The following MSI2 variants were observed in gnomAD, a reference collection of about 807,000 sequenced individuals.
MSI2 encodes the protein RNA-binding protein Musashi homolog 2.
In MSI2, 17 loss-of-function variants were observed where a neutral mutation model predicts 45.6. The ratio of observed to expected loss-of-function variants is 0.37; its 90% confidence interval spans 0.26 to 0.56. The LOEUF is 0.56. Among genes scored for constraint, MSI2 ranks in the 20% least tolerant of loss-of-function variants. The probability of loss-of-function intolerance (pLI) is 0.77; values close to 1 mark genes in which losing one functional copy is unlikely to be tolerated. For missense variants in MSI2, 293 were observed against 444.2 expected (o/e 0.66, Z 3.06); for synonymous variants, 156 against 158.2 (o/e 0.99, Z 0.11).
chr17:57,588,695 C>G (rs574079564), intron 7 of MSI2, among the ~76,000 whole-genome samples: 1 of 152,234 alleles, frequency 6.6e-6, no homozygotes, highest in Admixed American at 6.5e-5. Flanking sequence ...TCCCCACTCT[C>G]TCCTTGCCCT....
intron 6 of MSI2, among the ~76,000 whole-genome samples, chr17:57,523,802 C>CT (rs755506839): frequency 9.2e-5 from 14 of 152,162 alleles, no homozygotes; most frequent in Non-Finnish European, 1.6e-4. Flanking sequence ...TATTCTGCCC[C>CT]TTTTCTTTCC....
At chr17:57,302,235 G>A (rs778816964) in intron 5 of MSI2, among the ~76,000 whole-genome samples, 9 of 152,040 alleles carry the variant, frequency 5.9e-5, no homozygotes, top group Non-Finnish European at 1.3e-4. Flanking sequence ...ATTTTTCTTT[G>A]TGTTGAGGAC....
chr17:57,695,017 A>G, the MSI2 span, among the ~76,000 whole-genome samples: 1 of 152,178 alleles, frequency 6.6e-6, no homozygotes, highest in South Asian at 2.1e-4. Context: ...GATAAATTGA[A>G]CCCTTTGGTT....
intron 7 of MSI2, among the ~76,000 whole-genome samples, chr17:57,545,095 C>T (rs1484837317): frequency 6.6e-6 from 1 of 152,094 alleles, no homozygotes; most frequent in Non-Finnish European, 1.5e-5. Context: ...GAGAAGGAGA[C>T]TGAGTTTAGA....
chr17:57,357,896 T>C (rs1486333857), intron 5 of MSI2, among the ~76,000 whole-genome samples: 1 of 152,232 alleles, frequency 6.6e-6, no homozygotes, highest in African/African-American at 2.4e-5. Context: ...GTCTTTGCCC[T>C]TACCTTTGAC....
Position 57,612,354 on chromosome 17 carries a change from G to A in MSI2, c.538-3616G>A, listed in dbSNP as rs1436124352. Among the ~76,000 whole-genome samples the A allele has an allele frequency of 3.2e-5, 3 of 94,524 alleles. 1 individual carries two copies. The highest frequency in any genetic ancestry group is 9.9e-5 in the African/African-American group (3 of 30,346). 62.0% of individuals were successfully genotyped at this position (94,524 alleles called of 152,430 possible). A position where few individuals can be genotyped will look rare whatever the true frequency, so the allele number is the denominator to read the frequency against. ...GCGTGTTGAGTTCCTCCGCATCTGC[G>A]TCATTGAATTAAGTGGCTGAGTCTC... On this transcript the variant is annotated intron_variant, in intron 8 of 13. Transcript: ENST00000284073.
At chr17:57,309,936 G>A (rs1912236831) in intron 5 of MSI2, among the ~76,000 whole-genome samples, 2 of 152,222 alleles carry the variant, frequency 1.3e-5, no homozygotes, top group East Asian at 1.9e-4. Flanking sequence ...TGTCCGCTGG[G>A]CCTCAGCTTC....
At chr17:57,275,137 C>G (rs1161991667) in intron 5 of MSI2, among the ~76,000 whole-genome samples, 2 of 152,220 alleles carry the variant, frequency 1.3e-5, no homozygotes, top group East Asian at 3.8e-4. Context: ...AGGGTGTTGT[C>G]ATCCTTAATC....
At chr17:57,272,777 T>C (rs1332662945) in intron 5 of MSI2, among the ~76,000 whole-genome samples, 2 of 152,170 alleles carry the variant, frequency 1.3e-5, no homozygotes, top group Admixed American at 6.5e-5. Context: ...CGCCATGGCA[T>C]TAGAGTGACC....
chr17:57,307,718 C>T (rs1912037266), intron 5 of MSI2, among the ~76,000 whole-genome samples: 1 of 150,168 alleles, frequency 6.7e-6, no homozygotes, highest in Admixed American at 6.6e-5. Context: ...GGATTATAGG[C>T]ATGAGCCACC....
rs1044090386 is a variant in MSI2, at chr17:57,285,719, C to A, written c.312+23527C>A. ...AAAAACAGTTACAGGAACGTCTCCCCAAGTAGGTATTCCTGAGAATTTCTG... is the reference window on the plus strand; with the variant it reads ...AAAAACAGTTACAGGAACGTCTCCCAAAGTAGGTATTCCTGAGAATTTCTG... On this transcript the variant is annotated intron_variant, in intron 5 of 13. Coordinates refer to ENST00000284073, the MANE Select transcript of MSI2 (RefSeq NM_138962.4). The A allele has an allele frequency of 1.5e-5, 10 of 685,574 alleles. No homozygotes were observed. The African/African-American group carries it at 1.5e-4, about 10-fold the overall frequency. The allele number at this position is 685,574 out of a possible 1,614,324, so 42.5% of individuals were successfully genotyped here. A position where few individuals can be genotyped will look rare whatever the true frequency, so the allele number is the denominator to read the frequency against.
intron 7 of MSI2, among the ~76,000 whole-genome samples, chr17:57,586,165 C>T (rs533931034): frequency 3.3e-5 from 5 of 152,324 alleles, no homozygotes; most frequent in South Asian, 4.1e-4. Flanking sequence ...TGCTATAGAG[C>T]GCACTCGGAA....
intron 6 of MSI2, among the ~76,000 whole-genome samples, chr17:57,522,053 G>A (rs1567875304): frequency 6.6e-6 from 1 of 152,154 alleles, no homozygotes; most frequent in Non-Finnish European, 1.5e-5. Flanking sequence ...GGCAGGGAGA[G>A]AGGTGGAGAC....
chr17:57,471,007 C>T (rs1163112865), intron 6 of MSI2, among the ~76,000 whole-genome samples: 1 of 152,238 alleles, frequency 6.6e-6, no homozygotes, highest in Non-Finnish European at 1.5e-5. Flanking sequence ...GATGCTTCTG[C>T]TCTCTTGGCT....
intron 6 of MSI2, among the ~76,000 whole-genome samples, chr17:57,470,483 G>A (rs187261335): frequency 6.6e-6 from 1 of 152,072 alleles, no homozygotes; most frequent in Non-Finnish European, 1.5e-5. Context: ...TCACTATGTT[G>A]GCCAAGCTGG....
At chr17:57,376,365 T>A (rs979894577) in intron 5 of MSI2, among the ~76,000 whole-genome samples, 17 of 152,218 alleles carry the variant, frequency 1.1e-4, no homozygotes, top group African/African-American at 4.1e-4. Flanking sequence ...GGGAACCCTA[T>A]CCCGGTCTGG....
At chr17:57,513,543 T>G (rs2086402485) in intron 6 of MSI2, among the ~76,000 whole-genome samples, 1 of 152,206 alleles carries the variant, frequency 6.6e-6, no homozygotes, top group South Asian at 2.1e-4. Flanking sequence ...GCAATGCCTT[T>G]TATAAATCTA....
chr17:57,349,261 C>T (rs1157098611), intron 5 of MSI2, among the ~76,000 whole-genome samples: 1 of 152,104 alleles, frequency 6.6e-6, no homozygotes, highest in Non-Finnish European at 1.5e-5. Context: ...ACTCCTGACC[C>T]AGCAGCCCGG....
At chr17:57,475,740 C>T (rs2085524676) in intron 6 of MSI2, among the ~76,000 whole-genome samples, 1 of 151,922 alleles carries the variant, frequency 6.6e-6, no homozygotes, top group African/African-American at 2.4e-5. Context: ...TCTGAGGAGC[C>T]CCAGATAGGA....
Sources: allele counts gnomAD v4.1 joint callset (sites outside exome capture counted in the v4.1 genomes callset), GRCh38; gene constraint gnomAD v4.1.1; transcripts MANE v1.5; gene names NCBI Gene and HGNC (gene_info 2026-07-23, HGNC 2026-07-21).